The following LCOR variants were observed in gnomAD, a reference collection of about 807,000 sequenced individuals.
The protein encoded by LCOR is ligand-dependent corepressor.
In LCOR, 14 loss-of-function variants were observed where a neutral mutation model predicts 64.4. The ratio of observed to expected loss-of-function variants is 0.22; its 90% CI spans 0.14 to 0.34. LCOR has a LOEUF of 0.34. LCOR is among the 10% of genes least tolerant of loss of function. The pLI, the probability that LCOR is intolerant of heterozygous loss-of-function variation, is 1.00. For missense variants in LCOR, 1,686 were observed against 1,765.3 expected, an observed-to-expected ratio of 0.96 and a Z score of 0.80; for synonymous variants, 643 against 642.5, an observed-to-expected ratio of 1.00 and a Z score of -0.01.
chr10:96,939,730 G>A lies in LCOR; in HGVS notation c.-183-4383G>A, dbSNP rs1282499218. ...TGTAATCCCAGCACTTTGGGAGGCC[G>A]AGGCGGGCGGATCACAAGGTCAGGA... On this transcript the variant is annotated intron_variant, in intron 4 of 7. Coordinates refer to ENST00000421806, the MANE Select transcript of LCOR (RefSeq NM_001346516.2). Among the ~76,000 whole-genome samples the A allele has an allele frequency of 5.9e-5, 9 of 152,196 alleles. No homozygotes were observed. In the South Asian group the frequency reaches 1.7e-3, roughly 28 times the overall value.
At chr10:96,921,742 G>A (rs1011673687) in intron 4 of LCOR, among the ~76,000 whole-genome samples, 1 of 152,232 alleles carries the variant, frequency 6.6e-6, no homozygotes, top group Non-Finnish European at 1.5e-5. Flanking sequence ...AGGATTACTG[G>A]TGTAAGCCAC....
At chr10:96,844,688 T>C (rs1845597283) in intron 2 of LCOR, among the ~76,000 whole-genome samples, 1 of 152,196 alleles carries the variant, frequency 6.6e-6, no homozygotes, top group African/African-American at 2.4e-5. Context: ...TCTTATCTTG[T>C]TCAACTGGCC....
At chr10:96,848,550 C>A (rs1439544971) in intron 2 of LCOR, among the ~76,000 whole-genome samples, 1 of 152,062 alleles carries the variant, frequency 6.6e-6, no homozygotes, top group Admixed American at 6.6e-5. Context: ...CCCAGCTACT[C>A]AGGAGGCTGA....
chr10:96,926,170 T>A (rs1489773389), intron 4 of LCOR, among the ~76,000 whole-genome samples: 1 of 152,214 alleles, frequency 6.6e-6, no homozygotes, highest in Non-Finnish European at 1.5e-5. Context: ...TACCCCCTTT[T>A]TTGCCCATCT....
chr10:96,881,381 T>C (rs1475905027), intron 2 of LCOR, among the ~76,000 whole-genome samples: 2 of 152,214 alleles, frequency 1.3e-5, no homozygotes, highest in East Asian at 3.8e-4. Context: ...AAAATGGTAA[T>C]ATATGCTGTT....
intron 2 of LCOR, among the ~76,000 whole-genome samples, chr10:96,904,086 G>T (rs1326586325): frequency 6.6e-6 from 1 of 152,212 alleles, no homozygotes; most frequent in Non-Finnish European, 1.5e-5. Flanking sequence ...TTCTGAGGAT[G>T]AGAGAACTGG....
At position 96,982,376 on chromosome 10, in the gene LCOR, C is replaced by G. The variant is rs1182593104; in HGVS notation, c.1916C>G (p.Pro639Arg). ...GAAGGTGGCTCCACAGTCTCAGCTC[C>G]CACAGCAAGTGGGATGTCTTCTCCT... ...LPEGGSTVSA[P>R]TASGMSSPEH... The change falls in exon 8 of 8, where the codon CCC (proline) becomes CGC (arginine). Residue 639 changes from proline to arginine, a missense_variant. This residue lies in a region of LCOR where 1,293 missense variants were observed against 1,410.4 expected (regional missense o/e 0.92). Coordinates refer to ENST00000421806, the MANE Select transcript of LCOR (RefSeq NM_001346516.2). The G allele has an allele frequency of 1.9e-6, 3 of 1,614,084 alleles. No homozygotes were observed. Among genetic ancestry groups the G allele is most frequent in the African/African-American group, 2.7e-5 (2 of 74,936 alleles).
At chr10:96,972,878 G>C (rs1848010107) in intron 7 of LCOR, among the ~76,000 whole-genome samples, 1 of 152,118 alleles carries the variant, frequency 6.6e-6, no homozygotes, top group African/African-American at 2.4e-5. Context: ...TTAAGAACAT[G>C]GTAAACTTAG....
chr10:96,836,908 A>G (rs1023311571), intron 2 of LCOR, among the ~76,000 whole-genome samples: 2 of 152,228 alleles, frequency 1.3e-5, no homozygotes, highest in South Asian at 4.1e-4. Flanking sequence ...GCAGTTTGCA[A>G]CACGTTTCTT....
intron 1 of LCOR, 147 bp downstream of exon 1, chr10:96,832,546 G>A (rs1446338163): frequency 1.9e-5 from 1 of 51,906 alleles, no homozygotes; most frequent in African/African-American, 1.8e-4. Context: ...CCCACCCCCC[G>A]GAGTGTGAGC....
chr10:96,977,180 TC>T (rs1848046482), intron 7 of LCOR, among the ~76,000 whole-genome samples: 2 of 152,222 alleles, frequency 1.3e-5, no homozygotes, highest in Non-Finnish European at 2.9e-5. Flanking sequence ...CTAAAACTAT[TC>T]CTCAAGCTTT....
intron 2 of LCOR, among the ~76,000 whole-genome samples, chr10:96,850,650 A>G (rs1034405929): frequency 3.3e-5 from 5 of 152,094 alleles, no homozygotes; most frequent in South Asian, 2.1e-4. Flanking sequence ...AGGTCTTGCT[A>G]TGTTGCCCAG....
At chr10:96,947,962 T>G (rs1370257320) in intron 5 of LCOR, among the ~76,000 whole-genome samples, 1 of 152,168 alleles carries the variant, frequency 6.6e-6, no homozygotes, top group African/African-American at 2.4e-5. Context: ...CAGGCAAGAT[T>G]AGGTATTTAG....
chr10:96,916,591 A>G (rs988264797), intron 4 of LCOR, among the ~76,000 whole-genome samples: 1 of 148,578 alleles, frequency 6.7e-6, no homozygotes, highest in Admixed American at 6.7e-5. Flanking sequence ...TAAAGGCTAT[A>G]TATATATATA....
chr10:96,930,565 TC>T (rs1847240610), intron 4 of LCOR, among the ~76,000 whole-genome samples: 1 of 152,226 alleles, frequency 6.6e-6, no homozygotes, highest in Admixed American at 6.5e-5. Flanking sequence ...TACTGTCATT[TC>T]CCTTCAACCC....
intron 2 of LCOR, among the ~76,000 whole-genome samples, chr10:96,879,010 G>C (rs1187143075): frequency 1.3e-5 from 2 of 152,058 alleles, no homozygotes; most frequent in Admixed American, 6.6e-5. Context: ...TGCCCAGGCT[G>C]GTCTCGAACT....
chr10:96,880,505 C>CTCG lies in LCOR; in HGVS notation c.-329-26758_-329-26756dup, dbSNP rs749389378. Among the ~76,000 whole-genome samples, 6 of 152,198 alleles carry CTCG rather than the reference C, an allele frequency of 3.9e-5. No individual in the cohort carries two copies. The South Asian group carries it at 1.2e-3, about 31-fold the overall frequency. ...CTCCACCTTCCGGGTTCAAGCGATT[C>CTCG]TCGTGCCTTACCCTCCTGAGTAGCT... On this transcript the variant is annotated intron_variant, in intron 2 of 7. Coordinates refer to ENST00000421806, the MANE Select transcript of LCOR (RefSeq NM_001346516.2).
chr10:96,980,675 T>C (rs569333938), intron 7 of LCOR, 118 bp from the exon 8 acceptor site: 229 of 590,214 alleles, frequency 3.9e-4, no homozygotes, highest in Non-Finnish European at 6.0e-4. Context: ...AGCGAGACCC[T>C]GTATCTACAA....
At chr10:96,953,043 A>G (rs1044473590) in intron 7 of LCOR, among the ~76,000 whole-genome samples, 3 of 152,164 alleles carry the variant, frequency 2.0e-5, no homozygotes, top group African/African-American at 4.8e-5. Flanking sequence ...ACCTTTTCCA[A>G]CTTACTGTTA....
Sources: gnomAD v4.1 joint callset for allele counts (sites outside exome capture counted in the v4.1 genomes callset) on GRCh38, gnomAD v4.1.1 for gene constraint, gnomAD v4.1.1 regional missense constraint, MANE v1.5 for transcripts, NCBI Gene and HGNC (gene_info 2026-07-23, HGNC 2026-07-21) for gene names.